The following SIAH1 variants were observed in gnomAD, a reference collection of about 807,000 sequenced individuals.
SIAH1 encodes the protein E3 ubiquitin-protein ligase SIAH1.
In SIAH1, 2 loss-of-function variants were observed where a neutral mutation model predicts 20.0. The ratio of observed to expected loss-of-function variants is 0.10; its 90% CI spans 0.04 to 0.31. The LOEUF (loss-of-function observed/expected upper bound fraction) is 0.31, where lower values mean the gene tolerates loss of function less well. SIAH1 is among the 10% of genes least tolerant of loss of function. The pLI is 1.00. For missense variants in SIAH1, 119 were observed against 355.3 expected (o/e 0.33, Z 5.35); for synonymous variants, 118 against 125.3 (o/e 0.94, Z 0.39).
At chr16:48,377,472 C>A (rs996446655) in intron 1 of SIAH1, among the ~76,000 whole-genome samples, 4 of 150,108 alleles carry the variant, frequency 2.7e-5, no homozygotes, top group Non-Finnish European at 5.9e-5. Context: ...CTCACTGCAA[C>A]CTACACCTCC....
At chr16:48,376,857 G>A (rs551717209) in intron 1 of SIAH1, among the ~76,000 whole-genome samples, 2 of 152,292 alleles carry the variant, frequency 1.3e-5, no homozygotes, top group South Asian at 4.1e-4. Context: ...CTGAGTTCTG[G>A]CCAAATTCAA....
chr16:48,366,263 C>T (rs1200622878), intron 1 of SIAH1, among the ~76,000 whole-genome samples: 1 of 152,232 alleles, frequency 6.6e-6, no homozygotes, highest in African/African-American at 2.4e-5. Flanking sequence ...AAATGCGTGG[C>T]CACACTGGCG....
chr16:48,376,986 T>C (rs60944057), intron 1 of SIAH1, among the ~76,000 whole-genome samples: 1,867 of 152,312 alleles, frequency 0.012, 39 homozygotes, highest in African/African-American at 0.042. Flanking sequence ...AGGTAGAGTC[T>C]TTGCAGAGAA....
intron 1 of SIAH1, among the ~76,000 whole-genome samples, chr16:48,373,197 T>C (rs1216969357): frequency 6.6e-6 from 1 of 152,132 alleles, no homozygotes; most frequent in Non-Finnish European, 1.5e-5. Flanking sequence ...TCATTCAGTC[T>C]CCTAGTTTTA....
At chr16:48,366,271 G>C (rs914069261) in intron 1 of SIAH1, among the ~76,000 whole-genome samples, 2 of 152,186 alleles carry the variant, frequency 1.3e-5, no homozygotes, top group African/African-American at 4.8e-5. Flanking sequence ...GGCCACACTG[G>C]CGCTACGCTC....
intron 1 of SIAH1, among the ~76,000 whole-genome samples, chr16:48,384,526 G>A (rs1270850978): frequency 6.6e-6 from 1 of 152,154 alleles, no homozygotes; most frequent in Admixed American, 6.5e-5. Flanking sequence ...CCGGCACGCC[G>A]TTCACGCGCT....
intron 1 of SIAH1, among the ~76,000 whole-genome samples, chr16:48,372,166 TTTGA>T (rs1293643317): frequency 6.6e-6 from 1 of 152,180 alleles, no homozygotes; most frequent in Non-Finnish European, 1.5e-5. Context: ...TCTGATATAT[TTTGA>T]TTGATGGCTC....
rs59376248 is a variant in SIAH1 at position 48,380,928 on chromosome 16, CAAAAA to C, written c.-3+4271_-3+4275del. On this transcript the variant is annotated intron_variant, in intron 1 of 1. Coordinates refer to ENST00000394725, the MANE Select transcript of SIAH1 (RefSeq NM_003031.4). Reference sequence around the variant, plus strand: ...TGGGCGACAGAGTGAGACTCCGTCTCAAAAAAAAAAAAAAAAAGAACGGCTAAAAT... The same window carrying C: ...TGGGCGACAGAGTGAGACTCCGTCTCAAAAAAAAAAAAGAACGGCTAAAAT... 8.7e-4 allele frequency among the ~76,000 whole-genome samples: 39 copies of C among 44,950 alleles called. 3 individuals carry two copies. The highest frequency in any genetic ancestry group is 3.0e-3 in the African/African-American group (30 of 10,020). 29.5% of individuals were successfully genotyped at this position (44,950 alleles called of 152,430 possible).
chr16:48,379,588 CTA>C (rs1476929390), intron 1 of SIAH1, among the ~76,000 whole-genome samples: 3 of 152,290 alleles, frequency 2.0e-5, no homozygotes, highest in East Asian at 3.9e-4. Flanking sequence ...TGAGCACCAC[CTA>C]TGTTCCAGAA....
intron 1 of SIAH1, among the ~76,000 whole-genome samples, chr16:48,375,648 C>A (rs533004574): frequency 8.7e-5 from 13 of 149,728 alleles, no homozygotes; most frequent in African/African-American, 2.9e-4. Context: ...CAAAAAAAAA[C>A]AAAAAACAAA....
At chr16:48,384,727 GGA>G (rs1048844466) in intron 1 of SIAH1, among the ~76,000 whole-genome samples, 1 of 151,476 alleles carries the variant, frequency 6.6e-6, no homozygotes, top group Non-Finnish European at 1.5e-5. Context: ...GCCGCGGGGA[GGA>G]GGGGGAGGGA....
intron 1 of SIAH1, among the ~76,000 whole-genome samples, chr16:48,377,171 T>G (rs1259559734): frequency 3.3e-5 from 5 of 152,188 alleles, no homozygotes; most frequent in Non-Finnish European, 4.4e-5. Context: ...TAAATATAAT[T>G]AGTTCTCCAA....
intron 1 of SIAH1, among the ~76,000 whole-genome samples, chr16:48,368,330 TAAC>T (rs1960893787): frequency 6.6e-6 from 1 of 152,188 alleles, no homozygotes; most frequent in Non-Finnish European, 1.5e-5. Flanking sequence ...TTAGTCTGAT[TAAC>T]AACTGTGAAA....
At chr16:48,373,431 A>G (rs1248015468) in intron 1 of SIAH1, among the ~76,000 whole-genome samples, 2 of 152,186 alleles carry the variant, frequency 1.3e-5, no homozygotes, top group East Asian at 1.9e-4. Context: ...GACTCAGGTC[A>G]AGCGCCTTCG....
chr16:48,364,138 C>A (rs1017638354), intron 1 of SIAH1, among the ~76,000 whole-genome samples: 1 of 151,680 alleles, frequency 6.6e-6, no homozygotes, highest in African/African-American at 2.4e-5. Flanking sequence ...TTAGTAGAGA[C>A]GGGGTTTCAC....
chr16:48,377,943 TAAG>T (rs1249670319), intron 1 of SIAH1, among the ~76,000 whole-genome samples: 2 of 151,856 alleles, frequency 1.3e-5, no homozygotes, highest in East Asian at 1.9e-4. Context: ...TAAAATAAAA[TAAG>T]AAGTACTGGG....
In SIAH1 at chr16:48,361,566, G is replaced by A; in HGVS notation, c.*14C>T. The A allele has an allele frequency of 1.2e-6, 2 of 1,609,014 alleles. No homozygotes were observed. Among genetic ancestry groups the A allele is most frequent in the Non-Finnish European group, 1.7e-6 (2 of 1,177,642 alleles). On this transcript the variant is annotated 3_prime_UTR_variant, in exon 2 of 2. Transcript: ENST00000394725. ...AAGTTTTAAACACTGGCCAGAAAAT[G>A]TTTGATTGCCATTTCAACACATGGA... is the stretch of plus-strand genomic sequence containing the variant.
chr16:48,365,523 C>G (rs761763910), intron 1 of SIAH1: 6 of 1,594,106 alleles, frequency 3.8e-6, no homozygotes, highest in Non-Finnish European at 5.1e-6. Context: ...AGTAAAGGAA[C>G]AGGCCCCTCC....
chr16:48,373,421 G>A (rs1961031718), intron 1 of SIAH1, among the ~76,000 whole-genome samples: 1 of 152,162 alleles, frequency 6.6e-6, no homozygotes, highest in African/African-American at 2.4e-5. Context: ...TCCTTCCAGT[G>A]ACTCAGGTCA....
Sources: allele counts gnomAD v4.1 joint callset (sites outside exome capture counted in the v4.1 genomes callset), GRCh38; gene constraint gnomAD v4.1.1; transcripts MANE v1.5; gene names NCBI Gene and HGNC (gene_info 2026-07-23, HGNC 2026-07-21).